Variants in EPM2A observed in about 807,000 individuals in gnomAD.
EPM2A encodes the protein EPM2A glucan phosphatase, laforin.
A neutral mutation model predicts 26.5 loss-of-function variants in EPM2A; 21 were observed. The observed-to-expected ratio is 0.79, with a 90% CI of 0.56 to 1.14. The LOEUF is 1.14. Ranked by LOEUF, EPM2A falls within the 50% of genes most tolerant of loss-of-function variation. EPM2A has a pLI of 0.00. For missense variants in EPM2A, 458 were observed against 440.8 expected (o/e 1.04, Z -0.35); for synonymous variants, 217 against 177.6 (o/e 1.22, Z -1.76).
chr6:145,392,290 G>C (rs1015914969), intron 4 of EPM2A, among the ~76,000 whole-genome samples: 2 of 152,078 alleles, frequency 1.3e-5, no homozygotes, highest in Non-Finnish European at 2.9e-5. Flanking sequence ...AGTCTCCGAT[G>C]GCCTCCTCAA....
chr6:145,484,199 A>G (rs1779645756), intron 4 of EPM2A, among the ~76,000 whole-genome samples: 1 of 152,100 alleles, frequency 6.6e-6, no homozygotes, highest in South Asian at 2.1e-4. Context: ...GATGCAGACA[A>G]CTGTGTTTAG....
intron 2 of EPM2A, among the ~76,000 whole-genome samples, chr6:145,583,644 C>G (rs755399688): frequency 6.6e-6 from 1 of 152,206 alleles, no homozygotes; most frequent in Non-Finnish European, 1.5e-5. Flanking sequence ...CATGCTTGCT[C>G]ACATGTGACA....
At chr6:145,493,587 T>C (rs1002822802) in intron 4 of EPM2A, among the ~76,000 whole-genome samples, 10 of 152,230 alleles carry the variant, frequency 6.6e-5, no homozygotes, top group Non-Finnish European at 1.5e-4. Flanking sequence ...TGAGTGCTTA[T>C]AGCTTTTGCC....
chr6:145,578,166 C>T (rs1246871777), intron 2 of EPM2A, among the ~76,000 whole-genome samples: 1 of 151,806 alleles, frequency 6.6e-6, no homozygotes, highest in Non-Finnish European at 1.5e-5. Flanking sequence ...AAGCCAAATC[C>T]AATTAGTAGA....
chr6:145,732,298 A>G (rs1776536260), intron 1 of EPM2A, among the ~76,000 whole-genome samples: 1 of 151,256 alleles, frequency 6.6e-6, no homozygotes, highest in Non-Finnish European at 1.5e-5. Flanking sequence ...ATCCTCTCAT[A>G]TAGGGGTAAC....
At chr6:145,437,264 T>C (rs1779001377) in intron 4 of EPM2A, among the ~76,000 whole-genome samples, 1 of 150,650 alleles carries the variant, frequency 6.6e-6, no homozygotes, top group African/African-American at 2.4e-5. Context: ...TTACTTCCCC[T>C]TCGCCTTCTC....
intron 1 of EPM2A, 130 bp downstream of exon 1, chr6:145,735,068 G>C (rs1041715056): frequency 3.7e-6 from 2 of 543,212 alleles, no homozygotes; most frequent in Non-Finnish European, 5.7e-6. Context: ...GGAGTGCGCA[G>C]GGACGCGGGC....
In EPM2A at chr6:145,574,743, G is replaced by A. The variant is rs146760258; in HGVS notation, c.340+60502C>T. 3.4e-3 allele frequency among the ~76,000 whole-genome samples: 515 copies of A among 152,136 alleles called. 2 individuals are homozygous for A. The highest frequency in any genetic ancestry group is 0.01 in the Middle Eastern group (3 of 294). On this transcript the variant is annotated intron_variant, in intron 2 of 3. Coordinates refer to the EPM2A transcript ENST00000450221. ...TGGGCATCTTTTAGTCCACATTTCC[G>A]CTAACCAAGCAAATAAACTATTAGA...
At chr6:145,444,223 G>A (rs527564456) in intron 4 of EPM2A, among the ~76,000 whole-genome samples, 3 of 152,176 alleles carry the variant, frequency 2.0e-5, no homozygotes, top group Non-Finnish European at 2.9e-5. Context: ...TCAGTACGAT[G>A]TTGGCTGTGG....
At chr6:145,686,583 C>A (rs1179978609) in intron 1 of EPM2A, among the ~76,000 whole-genome samples, 1 of 151,966 alleles carries the variant, frequency 6.6e-6, no homozygotes, top group African/African-American at 2.4e-5. Flanking sequence ...CTCTAAGAGG[C>A]CATTATGAAT....
chr6:145,393,559 T>C (rs1351593178), intron 4 of EPM2A, among the ~76,000 whole-genome samples: 2 of 152,172 alleles, frequency 1.3e-5, no homozygotes, highest in African/African-American at 2.4e-5. Flanking sequence ...AATTTTTCTT[T>C]TCCTTGTGGT....
chr6:145,697,810 C>G (rs1411105029), intron 1 of EPM2A, among the ~76,000 whole-genome samples: 1 of 152,136 alleles, frequency 6.6e-6, no homozygotes, highest in Non-Finnish European at 1.5e-5. Context: ...CTATCCTGTT[C>G]TTTTTTCAAG....
intron 2 of EPM2A, among the ~76,000 whole-genome samples, chr6:145,583,726 C>T (rs888922295): frequency 6.6e-6 from 1 of 152,254 alleles, no homozygotes; most frequent in Non-Finnish European, 1.5e-5. Context: ...GGGACAGACG[C>T]ATCCATGCAT....
chr6:145,691,038 T>G (rs1263231822), intron 1 of EPM2A, among the ~76,000 whole-genome samples: 1 of 150,084 alleles, frequency 6.7e-6, no homozygotes, highest in African/African-American at 2.4e-5. Context: ...TCTAAATTTA[T>G]GTCATTGGAG....
At chr6:145,576,298 C>T (rs1381740690) in intron 2 of EPM2A, among the ~76,000 whole-genome samples, 1 of 152,204 alleles carries the variant, frequency 6.6e-6, no homozygotes. Context: ...ATGCTGCTCT[C>T]CGCTGTTGCA....
At chr6:145,653,423 G>A (rs1212650020) in intron 2 of EPM2A, among the ~76,000 whole-genome samples, 1 of 152,278 alleles carries the variant, frequency 6.6e-6, no homozygotes, top group Admixed American at 6.5e-5. Context: ...CCTCAGCCAG[G>A]TGGAACTGTG....
chr6:145,463,970 T>TCC (rs997327652), intron 4 of EPM2A, among the ~76,000 whole-genome samples: 1 of 152,112 alleles, frequency 6.6e-6, no homozygotes, highest in Non-Finnish European at 1.5e-5. Flanking sequence ...GGGGGCTGTT[T>TCC]CCCCCATGCT....
rs558845068 is a variant in EPM2A at position 145,444,729 on chromosome 6, C to T, written c.555+57793G>A. On this transcript the variant is annotated intron_variant, in intron 4 of 4. Transcript: ENST00000638717. ...TGCTTTTGTTTCTTATGCATTAGCACGCTATCTTATTTCTTTGCATGTCTC... is the reference window on the plus strand; with the variant it reads ...TGCTTTTGTTTCTTATGCATTAGCATGCTATCTTATTTCTTTGCATGTCTC... 1.4e-4 allele frequency among the ~76,000 whole-genome samples: 22 copies of T among 152,210 alleles called. 1 individual carries two copies. The highest frequency in any genetic ancestry group is 1.2e-3 in the South Asian group (6 of 4,818).
intron 2 of EPM2A, among the ~76,000 whole-genome samples, chr6:145,536,833 G>A (rs1780438787): frequency 6.6e-6 from 1 of 152,208 alleles, no homozygotes; most frequent in Admixed American, 6.5e-5. Flanking sequence ...ATAGCAAGGG[G>A]CTCAGCCACC....
Sources: allele counts gnomAD v4.1 joint callset (sites outside exome capture counted in the v4.1 genomes callset), GRCh38; gene constraint gnomAD v4.1.1; transcripts MANE v1.5; gene names NCBI Gene and HGNC (gene_info 2026-07-23, HGNC 2026-07-21).